Variants in ZDHHC23 observed in about 807,000 individuals in gnomAD.
The protein encoded by ZDHHC23 is palmitoyltransferase ZDHHC23.
ZDHHC23 carries 41 observed loss-of-function variants against 40.2 expected under a neutral mutation model. The observed-to-expected ratio is 1.02, with a 90% CI of 0.79 to 1.32. The LOEUF is 1.32. Ranked by LOEUF, ZDHHC23 falls within the 40% of genes most tolerant of loss-of-function variation. The pLI, the probability that ZDHHC23 is intolerant of heterozygous loss-of-function variation, is 0.00. For missense variants in ZDHHC23, 471 were observed against 541.5 expected (o/e 0.87, Z 1.29); for synonymous variants, 204 against 210.2 (o/e 0.97, Z 0.26).
At chr3:113,968,227 C>T (rs750575113), downstream of ZDHHC23, among the ~76,000 whole-genome samples, 1 of 152,112 alleles carries the variant, frequency 6.6e-6, no homozygotes, top group Non-Finnish European at 1.5e-5. Context: ...TCTATAATGG[C>T]TGTACTAATT....
intron 2 of ZDHHC23, 64 bp downstream of exon 2, chr3:113,949,027 T>C: frequency 6.3e-7 from 1 of 1,586,912 alleles, no homozygotes; most frequent in Non-Finnish European, 8.6e-7. Flanking sequence ...ATGTGTACTT[T>C]CAACCTAGCC....
chr3:113,972,396 TCTTA>T, the ZDHHC23 span, among the ~76,000 whole-genome samples: 1 of 152,172 alleles, frequency 6.6e-6, no homozygotes, highest in Non-Finnish European at 1.5e-5. Flanking sequence ...CTGAAGTTCC[TCTTA>T]CTGATTCCTA....
chr3:113,972,947 T>C, the ZDHHC23 span, among the ~76,000 whole-genome samples: 2 of 152,164 alleles, frequency 1.3e-5, no homozygotes, highest in Non-Finnish European at 2.9e-5. Context: ...TGTATGTCTT[T>C]ACAGGTGAAG....
At chr3:113,976,368 T>C in the ZDHHC23 span, among the ~76,000 whole-genome samples, 1 of 151,702 alleles carries the variant, frequency 6.6e-6, no homozygotes, top group Admixed American at 6.6e-5. Flanking sequence ...TGTTTTAGGG[T>C]CAAAAAACCT....
Position 113,948,186 on chromosome 3 carries a change from G to GT in ZDHHC23, c.-122_-121insT, listed in dbSNP as rs1453355095. 1.3e-5 allele frequency: 2 copies of GT among 152,452 alleles called. No individual in the cohort carries two copies. 9.4% of individuals were successfully genotyped at this position (152,452 alleles called of 1,614,324 possible). On this transcript the variant is annotated 5_prime_UTR_variant, in exon 1 of 5. Transcript: ENST00000638807. ...GCTGCAGTTGCACCTCCGGCCAGAG[G>GT]GCAGGTAACTTCCCTTCCAAGGTCA...
the ZDHHC23 span, chr3:113,978,810 G>T: frequency 3.8e-6 from 6 of 1,570,468 alleles, no homozygotes; most frequent in Admixed American, 1.9e-5. Flanking sequence ...TTCTTAAATA[G>T]AATTGAGCAA....
At chr3:113,970,713 C>T in the ZDHHC23 span, among the ~76,000 whole-genome samples, 2 of 151,992 alleles carry the variant, frequency 1.3e-5, no homozygotes, top group African/African-American at 4.8e-5. Flanking sequence ...TGCTATCCCT[C>T]CCCGTCCCCC....
chr3:113,959,647 A>G lies in ZDHHC23; in HGVS notation c.*1017A>G. 3 of 1,172,422 alleles carry G rather than the reference A, an allele frequency of 2.6e-6. No homozygotes were observed. Among genetic ancestry groups the G allele is most frequent in the Middle Eastern group, 2.4e-4 (1 of 4,220 alleles). The allele number at this position is 1,172,422 out of a possible 1,614,324, so 72.6% of individuals were successfully genotyped here. Reference sequence around the variant, plus strand: ...ACGGGCTCGATTATTTTCTTCATGTATTTCAAATGCTGTCAGTTATAGCAC... The same window carrying G: ...ACGGGCTCGATTATTTTCTTCATGTGTTTCAAATGCTGTCAGTTATAGCAC... On this transcript the variant is annotated 3_prime_UTR_variant, in exon 5 of 5. Transcript: ENST00000638807.
At position 113,959,128 on chromosome 3, in the gene ZDHHC23, TAAA is replaced by T; in HGVS notation, c.*502_*504del. Reference sequence around the variant, plus strand: ...GAGGGAAGATGGATGTGGAAAGCACTAAAAAACAACTCAAGAGCCATGGAAATA... The same window carrying T: ...GAGGGAAGATGGATGTGGAAAGCACTAAACAACTCAAGAGCCATGGAAATA... On this transcript the variant is annotated 3_prime_UTR_variant, in exon 5 of 5. Transcript: ENST00000638807. The T allele has an allele frequency of 9.7e-7, 1 of 1,033,730 alleles. No individual in the cohort carries two copies. The highest frequency in any genetic ancestry group is 1.2e-6 in the Non-Finnish European group (1 of 840,484). 64.0% of individuals were successfully genotyped at this position (1,033,730 alleles called of 1,614,324 possible). A position where few individuals can be genotyped will look rare whatever the true frequency, so the allele number is the denominator to read the frequency against.
chr3:113,960,784 A>G lies in ZDHHC23; in HGVS notation c.*2154A>G. The G allele has an allele frequency of 1.3e-6, 2 of 1,513,524 alleles. No individual in the cohort carries two copies. Among genetic ancestry groups the G allele is most frequent in the Non-Finnish European group, 8.8e-7 (1 of 1,139,848 alleles). The allele number at this position is 1,513,524 out of a possible 1,614,324, so 93.8% of individuals were successfully genotyped here. A position where few individuals can be genotyped will look rare whatever the true frequency, so the allele number is the denominator to read the frequency against. ...TAGGAAGGGACTCTGTGTATTATTCAGGTTTATTGGCACGAAGATACTTGT... is the reference window on the plus strand; with the variant it reads ...TAGGAAGGGACTCTGTGTATTATTCGGGTTTATTGGCACGAAGATACTTGT... On this transcript the variant is annotated 3_prime_UTR_variant, in exon 5 of 5. Coordinates refer to ENST00000638807, the MANE Select transcript of ZDHHC23 (RefSeq NM_001320466.2).
At position 113,962,323 on chromosome 3, in the gene ZDHHC23, G is replaced by C. The variant is rs1042470897; in HGVS notation, c.*3693G>C. The C allele has an allele frequency of 6.6e-6, 1 of 152,196 alleles. No individual in the cohort carries two copies. Among genetic ancestry groups the C allele is most frequent in the Non-Finnish European group, 1.5e-5 (1 of 68,038 alleles). 9.4% of individuals were successfully genotyped at this position (152,196 alleles called of 1,614,324 possible). ...CTGATAGACAAGCATCCACGCTTCA[G>C]CTGGCACTAAGTGTTTTCATTGTAG... is the stretch of plus-strand genomic sequence containing the variant. On this transcript the variant is annotated 3_prime_UTR_variant, in exon 5 of 5. Transcript: ENST00000638807.
intron 1 of ZDHHC23, chr3:113,948,458 C>G (rs1938325400): frequency 3.9e-6 from 1 of 259,562 alleles, no homozygotes; most frequent in Non-Finnish European, 7.5e-6. Flanking sequence ...AGCCTGCACC[C>G]GCAGGTGAGC....
At chr3:113,968,808 C>T (rs1940499244), downstream of ZDHHC23, among the ~76,000 whole-genome samples, 1 of 151,900 alleles carries the variant, frequency 6.6e-6, no homozygotes, top group Admixed American at 6.6e-5. Flanking sequence ...GAGTTCCTTA[C>T]ATATTCTAGT....
chr3:113,953,192 T>C (rs1938849466), intron 2 of ZDHHC23, among the ~76,000 whole-genome samples: 1 of 152,138 alleles, frequency 6.6e-6, no homozygotes, highest in Non-Finnish European at 1.5e-5. Context: ...CCCTCTCTAT[T>C]CATACACATG....
At chr3:113,967,370 C>T (rs557232746), downstream of ZDHHC23, among the ~76,000 whole-genome samples, 1 of 114,292 alleles carries the variant, frequency 8.7e-6, no homozygotes, top group South Asian at 2.6e-4. Context: ...ATCATCCTTG[C>T]CTACATTTCT....
chr3:113,976,244 G>A, the ZDHHC23 span, among the ~76,000 whole-genome samples: 2 of 151,762 alleles, frequency 1.3e-5, no homozygotes, highest in East Asian at 3.9e-4. Flanking sequence ...GGGTGACAGA[G>A]TAAGACTTTG....
chr3:113,951,859 T>C (rs537469763), intron 2 of ZDHHC23, among the ~76,000 whole-genome samples: 6 of 152,336 alleles, frequency 3.9e-5, no homozygotes, highest in African/African-American at 1.4e-4. Flanking sequence ...TCTCTTTGGC[T>C]GGGCGCGGTG....
At chr3:113,955,005 G>T (rs1939035476) in intron 3 of ZDHHC23, among the ~76,000 whole-genome samples, 1 of 152,198 alleles carries the variant, frequency 6.6e-6, no homozygotes, top group African/African-American at 2.4e-5. Flanking sequence ...CGTAAAATAT[G>T]AAGTGCAATG....
In ZDHHC23 at chr3:113,960,941, C is replaced by T. The variant is rs1352641515; in HGVS notation, c.*2311C>T. 1 of 633,474 alleles carries T rather than the reference C, an allele frequency of 1.6e-6. No homozygotes were observed. Among genetic ancestry groups the T allele is most frequent in the African/African-American group, 1.9e-5 (1 of 51,710 alleles). The allele number at this position is 633,474 out of a possible 1,614,324, so 39.2% of individuals were successfully genotyped here. A position where few individuals can be genotyped will look rare whatever the true frequency, so the allele number is the denominator to read the frequency against. On this transcript the variant is annotated 3_prime_UTR_variant, in exon 5 of 5. Transcript: ENST00000638807. ...AGGAGCAGCAAACAAGGGGCTAATC[C>T]ATGAGCAGTGTTCTGTAGGCTCTGT...
Sources: gnomAD v4.1 joint callset for allele counts (sites outside exome capture counted in the v4.1 genomes callset) on GRCh38, gnomAD v4.1.1 for gene constraint, MANE v1.5 for transcripts, NCBI Gene and HGNC (gene_info 2026-07-23, HGNC 2026-07-21) for gene names.